The following LHFPL2 variants were observed in gnomAD, a reference collection of about 807,000 sequenced individuals.
LHFPL2 encodes the protein LHFPL tetraspan subfamily member 2 protein.
LHFPL2 carries 7 observed loss-of-function variants against 17.5 expected under a neutral mutation model. The ratio of observed to expected loss-of-function variants is 0.40; its 90% CI spans 0.23 to 0.75. LHFPL2 has a LOEUF of 0.75. Ranked by LOEUF, LHFPL2 falls within the 30% of genes least tolerant of loss-of-function variation. LHFPL2 has a pLI of 0.37. For synonymous variants in LHFPL2, 134 were observed against 116.2 expected, an observed-to-expected ratio of 1.15 and a Z score of -0.99; for missense variants, 241 against 294.8, an observed-to-expected ratio of 0.82 and a Z score of 1.34.
intron 3 of LHFPL2, among the ~76,000 whole-genome samples, chr5:78,555,270 AT>A (rs2112400031): frequency 6.6e-6 from 1 of 152,374 alleles, no homozygotes; most frequent in South Asian, 2.1e-4. Context: ...TAAAAACTTA[AT>A]TTCTATAAAT....
chr5:78,632,208 G>C (rs908630206), intron 2 of LHFPL2, 56 bp downstream of exon 2: 3 of 152,114 alleles, frequency 2.0e-5, no homozygotes, highest in Non-Finnish European at 2.9e-5. Flanking sequence ...TATTGAATGA[G>C]AACATCGGGT....
chr5:78,636,378 CG>C (rs1307987142), intron 1 of LHFPL2, among the ~76,000 whole-genome samples: 9 of 152,230 alleles, frequency 5.9e-5, no homozygotes, highest in Admixed American at 2.6e-4. Context: ...TTCCACCTTT[CG>C]GGTAAGGAGC....
At chr5:78,517,859 C>T (rs961800696) in intron 3 of LHFPL2, among the ~76,000 whole-genome samples, 1 of 152,160 alleles carries the variant, frequency 6.6e-6, no homozygotes, top group Non-Finnish European at 1.5e-5. Flanking sequence ...CTAAATGATT[C>T]CTTCTCTTCT....
chr5:78,583,725 T>G (rs1743243325), intron 2 of LHFPL2, among the ~76,000 whole-genome samples: 1 of 151,324 alleles, frequency 6.6e-6, no homozygotes, highest in Non-Finnish European at 1.5e-5. Flanking sequence ...ATTTTTTCCT[T>G]CATTTCAACT....
chr5:78,547,188 C>G (rs553270756), intron 3 of LHFPL2, among the ~76,000 whole-genome samples: 1 of 152,144 alleles, frequency 6.6e-6, no homozygotes. Flanking sequence ...CCACTCAGCC[C>G]GAACCCTAAG....
chr5:78,510,118 G>C lies in LHFPL2; in HGVS notation c.96C>G (p.Asp32Glu). Residue 32 changes from aspartate to glutamate, a missense_variant, in exon 4 of 5, where the codon GAC becomes GAG. Asp to Glu is a conservative substitution (Grantham distance 45). Coordinates refer to ENST00000380345, the MANE Select transcript of LHFPL2 (RefSeq NM_005779.3). Reference sequence around the variant, plus strand: ...GGCTCCTCGCTTTCCCGATCAGCCAGTCTGCACTCATGAAGGCAATGAGCT... The same window carrying C: ...GGCTCCTCGCTTTCCCGATCAGCCACTCTGCACTCATGAAGGCAATGAGCT... ...FAELIAFMSA[D>E]WLIGKARSRG... is the part of the protein sequence containing the mutation. The C allele has an allele frequency of 1.2e-6, 2 of 1,613,340 alleles. No homozygotes were observed. Among genetic ancestry groups the C allele is most frequent in the Non-Finnish European group, 1.7e-6 (2 of 1,179,560 alleles).
intron 2 of LHFPL2, among the ~76,000 whole-genome samples, chr5:78,631,944 AAAAAAAG>A (rs1432957332): frequency 2.5e-4 from 38 of 151,990 alleles, no homozygotes; most frequent in African/African-American, 8.0e-4. Context: ...TCAAAAAAAA[AAAAAAAG>A]AAAAAAGAAA....
chr5:78,521,802 C>A (rs1755466257), intron 3 of LHFPL2, among the ~76,000 whole-genome samples: 1 of 152,208 alleles, frequency 6.6e-6, no homozygotes, highest in South Asian at 2.1e-4. Flanking sequence ...CTCCAATCTG[C>A]CATTTAGCAG....
At chr5:78,533,277 T>C (rs1755840171) in intron 3 of LHFPL2, among the ~76,000 whole-genome samples, 1 of 152,224 alleles carries the variant, frequency 6.6e-6, no homozygotes, top group Non-Finnish European at 1.5e-5. Flanking sequence ...GCACTGAACA[T>C]TGAGCCTTCA....
At chr5:78,596,647 A>G (rs1349678544) in intron 2 of LHFPL2, among the ~76,000 whole-genome samples, 2 of 152,136 alleles carry the variant, frequency 1.3e-5, no homozygotes, top group East Asian at 3.8e-4. Flanking sequence ...ATTGTCTCCT[A>G]TAGCCATGTC....
At chr5:78,570,167 T>C (rs1289959295) in intron 2 of LHFPL2, among the ~76,000 whole-genome samples, 3 of 152,168 alleles carry the variant, frequency 2.0e-5, no homozygotes, top group Non-Finnish European at 4.4e-5. Flanking sequence ...ACATAGGGCA[T>C]GACATAGAGT....
At position 78,488,721 on chromosome 5, in the gene LHFPL2, C is replaced by T; in HGVS notation, c.*176G>A. 4.5e-6 allele frequency: 3 copies of T among 666,338 alleles called. No individual in the cohort carries two copies. In the South Asian group the frequency reaches 5.4e-5, roughly 12 times the overall value. 41.3% of individuals were successfully genotyped at this position (666,338 alleles called of 1,614,324 possible). ...TCCTTATAATGTGCACTGCAGACCG[C>T]ATGTCCAGTAACTTTGCGTAGCTGG... On this transcript the variant is annotated 3_prime_UTR_variant, in exon 5 of 5. Coordinates refer to ENST00000380345, the MANE Select transcript of LHFPL2 (RefSeq NM_005779.3).
At chr5:78,602,595 C>A (rs1311754924) in intron 2 of LHFPL2, among the ~76,000 whole-genome samples, 2 of 152,168 alleles carry the variant, frequency 1.3e-5, no homozygotes, top group Non-Finnish European at 2.9e-5. Flanking sequence ...GGACCCTTCA[C>A]CATCAACATC....
chr5:78,586,034 T>C (rs745447111), intron 2 of LHFPL2, among the ~76,000 whole-genome samples: 1 of 152,204 alleles, frequency 6.6e-6, no homozygotes, highest in Non-Finnish European at 1.5e-5. Context: ...GGCTTGAGGA[T>C]GAGGAACAGC....
chr5:78,497,163 T>G (rs899630624), intron 4 of LHFPL2, among the ~76,000 whole-genome samples: 1 of 152,242 alleles, frequency 6.6e-6, no homozygotes, highest in African/African-American at 2.4e-5. Context: ...TTTGACTCCT[T>G]TCTCAGAAAT....
At chr5:78,523,431 C>A (rs182925884) in intron 3 of LHFPL2, among the ~76,000 whole-genome samples, 1 of 152,042 alleles carries the variant, frequency 6.6e-6, no homozygotes, top group African/African-American at 2.4e-5. Flanking sequence ...GGAGCTCCCC[C>A]ACAGTGAGGG....
chr5:78,555,594 C>T (rs1756550801), intron 3 of LHFPL2, among the ~76,000 whole-genome samples: 1 of 152,126 alleles, frequency 6.6e-6, no homozygotes, highest in African/African-American at 2.4e-5. Context: ...AAGTGGGGAC[C>T]CAGGCCACAG....
At chr5:78,633,028 C>T (rs1019472272) in intron 1 of LHFPL2, among the ~76,000 whole-genome samples, 1 of 152,224 alleles carries the variant, frequency 6.6e-6, no homozygotes, top group African/African-American at 2.4e-5. Context: ...AAGAGGCCTT[C>T]TTGCAGCTGC....
At chr5:78,556,933 A>G (rs990342973) in intron 3 of LHFPL2, among the ~76,000 whole-genome samples, 1 of 151,424 alleles carries the variant, frequency 6.6e-6, no homozygotes, top group Non-Finnish European at 1.5e-5. Context: ...CTGGGGGGAC[A>G]GGTCACACAT....
Sources: gnomAD v4.1 joint callset for allele counts (sites outside exome capture counted in the v4.1 genomes callset) on GRCh38, gnomAD v4.1.1 for gene constraint, MANE v1.5 for transcripts, NCBI Gene and HGNC (gene_info 2026-07-23, HGNC 2026-07-21) for gene names.